The following SPRR2G variants were observed in gnomAD, a reference collection of about 807,000 sequenced individuals.
The protein encoded by SPRR2G is small proline rich protein 2G.
Under a neutral mutation model 0.7 loss-of-function variants are expected in SPRR2G, and 1 was observed. The observed-to-expected ratio is 1.49, with a 90% CI of 0.53 to 7.06. SPRR2G has a LOEUF of 7.06. Among genes scored for constraint, SPRR2G ranks in the 30% most tolerant of loss-of-function variants. The pLI is 0.14. For missense variants in SPRR2G, 96 were observed against 88.5 expected (o/e 1.09, Z -0.34); for synonymous variants, 38 against 33.9 (o/e 1.12, Z -0.42).
chr1:153,166,728 A>G, the SPRR2G span, among the ~76,000 whole-genome samples: 1 of 152,202 alleles, frequency 6.6e-6, no homozygotes, highest in Non-Finnish European at 1.5e-5. Context: ...CATTATCAAG[A>G]TCTGGAAGAC....
At chr1:153,167,990 T>C in the SPRR2G span, among the ~76,000 whole-genome samples, 1 of 152,352 alleles carries the variant, frequency 6.6e-6, no homozygotes, top group Non-Finnish European at 1.5e-5. Context: ...AATGGTTCCA[T>C]GATCCCATGA....
At chr1:153,180,163 C>T in the SPRR2G span, among the ~76,000 whole-genome samples, 1 of 152,112 alleles carries the variant, frequency 6.6e-6, no homozygotes, top group Non-Finnish European at 1.5e-5. Context: ...AATAAAGCTT[C>T]ATAAGCTAAA....
the SPRR2G span, chr1:153,176,087 T>A: frequency 2.0e-5 from 3 of 152,096 alleles, no homozygotes; most frequent in Admixed American, 6.5e-5. Context: ...GTTTTTACAG[T>A]CCGGTTCATT....
At chr1:153,172,866 G>A in the SPRR2G span, among the ~76,000 whole-genome samples, 9 of 152,194 alleles carry the variant, frequency 5.9e-5, no homozygotes, top group Non-Finnish European at 8.8e-5. Flanking sequence ...TGGGCCGGAA[G>A]AAGATTGTAT....
chr1:153,173,695 C>A, the SPRR2G span, among the ~76,000 whole-genome samples: 1 of 152,174 alleles, frequency 6.6e-6, no homozygotes, highest in Non-Finnish European at 1.5e-5. Flanking sequence ...TTGCTCTGAA[C>A]TACAGAGCGG....
the SPRR2G span, among the ~76,000 whole-genome samples, chr1:153,188,705 AG>A: frequency 6.9e-3 from 1,048 of 152,208 alleles, 3 homozygotes; most frequent in Non-Finnish European, 0.012. Context: ...CTGGGGCACC[AG>A]GCACCACTGG....
At chr1:153,156,538 T>C in the SPRR2G span, among the ~76,000 whole-genome samples, 1 of 152,218 alleles carries the variant, frequency 6.6e-6, no homozygotes, top group Admixed American at 6.5e-5. Flanking sequence ...ATATTAAATA[T>C]TATTTTTATA....
the SPRR2G span, among the ~76,000 whole-genome samples, chr1:153,198,252 T>C: frequency 6.6e-6 from 1 of 152,244 alleles, no homozygotes; most frequent in Non-Finnish European, 1.5e-5. Flanking sequence ...ACGGTAAAAG[T>C]AGAAGACCGA....
the SPRR2G span, among the ~76,000 whole-genome samples, chr1:153,156,529 T>C: frequency 6.6e-6 from 1 of 152,206 alleles, no homozygotes; most frequent in East Asian, 1.9e-4. Flanking sequence ...GGTAGTAGAA[T>C]ATTAAATATT....
chr1:153,194,729 C>T, the SPRR2G span, among the ~76,000 whole-genome samples: 2 of 152,216 alleles, frequency 1.3e-5, no homozygotes, highest in Non-Finnish European at 2.9e-5. Flanking sequence ...TCTCAGACAG[C>T]AGCATCCGTA....
the SPRR2G span, among the ~76,000 whole-genome samples, chr1:153,183,499 TG>T: frequency 6.6e-6 from 1 of 152,172 alleles, no homozygotes; most frequent in Non-Finnish European, 1.5e-5. Context: ...ATGTGTTTGT[TG>T]GCCACATATA....
the SPRR2G span, among the ~76,000 whole-genome samples, chr1:153,179,126 G>A: frequency 6.6e-6 from 1 of 152,174 alleles, no homozygotes; most frequent in Non-Finnish European, 1.5e-5. Flanking sequence ...GTCATAGGCT[G>A]AAGCTGTAAT....
At chr1:153,186,222 T>C in the SPRR2G span, among the ~76,000 whole-genome samples, 1 of 152,224 alleles carries the variant, frequency 6.6e-6, no homozygotes, top group Non-Finnish European at 1.5e-5. Flanking sequence ...TGTAGATGTC[T>C]ATTAGGTCTG....
the SPRR2G span, among the ~76,000 whole-genome samples, chr1:153,158,824 C>T: frequency 5.9e-5 from 9 of 152,328 alleles, no homozygotes; most frequent in East Asian, 1.2e-3. Flanking sequence ...TCTGCATGCC[C>T]GCAGACCCAA....
chr1:153,151,399 G>T (rs1245992515), upstream of SPRR2G, among the ~76,000 whole-genome samples: 2 of 152,150 alleles, frequency 1.3e-5, no homozygotes, highest in South Asian at 2.1e-4. Context: ...CTTGAACAGG[G>T]TGACAAAATC....
the SPRR2G span, among the ~76,000 whole-genome samples, chr1:153,163,059 T>G: frequency 1.3e-5 from 2 of 152,356 alleles, no homozygotes; most frequent in East Asian, 3.9e-4. Context: ...TCAATAGTTT[T>G]ACTACATAGC....
chr1:153,199,595 CT>C, the SPRR2G span, among the ~76,000 whole-genome samples: 7 of 152,160 alleles, frequency 4.6e-5, no homozygotes, highest in Non-Finnish European at 7.4e-5. Context: ...TTAAAAACTT[CT>C]AGTAGCTAAT....
At chr1:153,159,157 T>C in the SPRR2G span, among the ~76,000 whole-genome samples, 1 of 152,216 alleles carries the variant, frequency 6.6e-6, no homozygotes, top group African/African-American at 2.4e-5. Flanking sequence ...TCAAATCATA[T>C]CTTTGTGAAT....
At chr1:153,152,714 T>G (rs1445568950), upstream of SPRR2G, among the ~76,000 whole-genome samples, 2 of 152,204 alleles carry the variant, frequency 1.3e-5, no homozygotes, top group Non-Finnish European at 2.9e-5. Context: ...TTCACAGCGT[T>G]CTTTCTCATG....
Sources: allele counts gnomAD v4.1 joint callset (sites outside exome capture counted in the v4.1 genomes callset), GRCh38; gene constraint gnomAD v4.1.1; transcripts MANE v1.5; gene names NCBI Gene and HGNC (gene_info 2026-07-23, HGNC 2026-07-21).